CNTNAP5: variants seen among roughly 807,000 people sequenced by gnomAD.
The protein encoded by CNTNAP5 is contactin associated protein family member 5.
A neutral mutation model predicts 150.2 loss-of-function variants in CNTNAP5; 72 were observed. The ratio of observed to expected loss-of-function variants is 0.48; its 90% CI spans 0.40 to 0.58. The LOEUF (loss-of-function observed/expected upper bound fraction) is 0.58. Ranked by LOEUF, CNTNAP5 falls within the 20% of genes least tolerant of loss-of-function variation. CNTNAP5 has a pLI of 0.00. For missense variants in CNTNAP5, 1,636 were observed against 1,626.2 expected, an observed-to-expected ratio of 1.01 and a Z score of -0.10; for synonymous variants, 672 against 619.8, an observed-to-expected ratio of 1.08 and a Z score of -1.25.
intron 13 of CNTNAP5, among the ~76,000 whole-genome samples, chr2:124,691,210 G>A (rs1292742890): frequency 6.6e-6 from 1 of 152,076 alleles, no homozygotes; most frequent in African/African-American, 2.4e-5. Flanking sequence ...ATTTTTCTTG[G>A]CTTCTCTGCG....
At chr2:124,773,449 C>A (rs958082211) in intron 17 of CNTNAP5, among the ~76,000 whole-genome samples, 2 of 152,078 alleles carry the variant, frequency 1.3e-5, no homozygotes, top group African/African-American at 4.8e-5. Flanking sequence ...ATAGTTGAAC[C>A]ATTTTAAAGG....
intron 13 of CNTNAP5, among the ~76,000 whole-genome samples, chr2:124,678,413 A>C (rs368607147): frequency 1.1e-4 from 17 of 151,822 alleles, no homozygotes; most frequent in East Asian, 3.9e-4. Context: ...CTCTCTGCTA[A>C]TACCTAACTA....
intron 1 of CNTNAP5, among the ~76,000 whole-genome samples, chr2:124,069,650 A>G (rs1188580233): frequency 1.3e-5 from 2 of 152,162 alleles, no homozygotes; most frequent in African/African-American, 4.8e-5. Context: ...ACAGAGGGAC[A>G]TGCTATTTGT....
At chr2:124,107,870 A>G (rs1430471829) in intron 1 of CNTNAP5, among the ~76,000 whole-genome samples, 2 of 152,212 alleles carry the variant, frequency 1.3e-5, no homozygotes, top group African/African-American at 4.8e-5. Context: ...GTATCAATCA[A>G]TATATGTAAG....
intron 19 of CNTNAP5, among the ~76,000 whole-genome samples, chr2:124,830,919 A>G (rs1682701163): frequency 6.6e-6 from 1 of 152,074 alleles, no homozygotes; most frequent in African/African-American, 2.4e-5. Context: ...AATAGGCAAA[A>G]GTTAAACTTT....
intron 4 of CNTNAP5, among the ~76,000 whole-genome samples, chr2:124,430,400 C>G (rs1360712151): frequency 6.6e-6 from 1 of 152,154 alleles, no homozygotes; most frequent in East Asian, 1.9e-4. Flanking sequence ...AAAAAAACAT[C>G]TAGAGAATTG....
At chr2:124,628,189 A>G (rs1029321906) in intron 12 of CNTNAP5, among the ~76,000 whole-genome samples, 1 of 152,224 alleles carries the variant, frequency 6.6e-6, no homozygotes, top group Non-Finnish European at 1.5e-5. Flanking sequence ...AGACAAGCCA[A>G]TATTCAAATT....
intron 3 of CNTNAP5, among the ~76,000 whole-genome samples, chr2:124,412,606 C>T (rs1259888362): frequency 1.3e-5 from 2 of 148,822 alleles, no homozygotes; most frequent in African/African-American, 2.5e-5. Context: ...CTTTGACAAA[C>T]CTGAGAAAAA....
intron 21 of CNTNAP5, among the ~76,000 whole-genome samples, chr2:124,897,078 T>C (rs1182203531): frequency 6.6e-6 from 1 of 151,650 alleles, no homozygotes; most frequent in Non-Finnish European, 1.5e-5. Flanking sequence ...TCAGTGTTTC[T>C]CAAAATGTGT....
intron 10 of CNTNAP5, among the ~76,000 whole-genome samples, chr2:124,536,549 G>A (rs770422093): frequency 5.6e-4 from 86 of 152,264 alleles, no homozygotes; most frequent in Non-Finnish European, 3.4e-4. Context: ...CCAATTCTTA[G>A]AGAGGTTCAG....
At chr2:124,027,037 G>T (rs1680912037) in intron 1 of CNTNAP5, among the ~76,000 whole-genome samples, 2 of 152,200 alleles carry the variant, frequency 1.3e-5, no homozygotes, top group South Asian at 4.1e-4. Flanking sequence ...GCCTTATACC[G>T]ATTGTATTAA....
At chr2:124,860,734 G>A (rs1362238988) in intron 19 of CNTNAP5, among the ~76,000 whole-genome samples, 1 of 152,014 alleles carries the variant, frequency 6.6e-6, no homozygotes, top group Non-Finnish European at 1.5e-5. Context: ...CACAGTACAT[G>A]TTAGAATAAA....
chr2:124,671,574 A>G (rs1008455147), intron 13 of CNTNAP5, among the ~76,000 whole-genome samples: 3 of 152,176 alleles, frequency 2.0e-5, no homozygotes, highest in Non-Finnish European at 4.4e-5. Flanking sequence ...TTCTTTGCTT[A>G]TCTCTTTTGT....
chr2:124,401,999 C>G (rs528799390), intron 3 of CNTNAP5, among the ~76,000 whole-genome samples: 1 of 152,124 alleles, frequency 6.6e-6, no homozygotes, highest in Non-Finnish European at 1.5e-5. Flanking sequence ...TATATCCCCT[C>G]ACTAAGAATA....
chr2:124,858,208 A>C (rs1478251648), intron 19 of CNTNAP5, among the ~76,000 whole-genome samples: 1 of 152,210 alleles, frequency 6.6e-6, no homozygotes, highest in East Asian at 1.9e-4. Context: ...TGGCCAGGGC[A>C]ATCAGGCAGG....
In CNTNAP5 at chr2:124,225,610, G is replaced by A. The variant is rs538321847; in HGVS notation, c.187+3801G>A. On this transcript the variant is annotated intron_variant, in intron 2 of 23. Coordinates refer to ENST00000682447, the MANE Select transcript of CNTNAP5 (RefSeq NM_001367498.1). ...GCTAACACATCCATCACCTCATGTA[G>A]TTATCCTTTTCTTTGTTTTGTAGTG... is the stretch of plus-strand genomic sequence containing the variant. 4.6e-5 allele frequency among the ~76,000 whole-genome samples: 7 copies of A among 152,262 alleles called. No homozygotes were observed. In the South Asian group the frequency reaches 1.4e-3, roughly 32 times the overall value.
chr2:124,565,574 C>CTTTTT (rs776732335), intron 11 of CNTNAP5, among the ~76,000 whole-genome samples: 1 of 68,504 alleles, frequency 1.5e-5, no homozygotes, highest in African/African-American at 6.1e-5. Context: ...TACCTAGATC[C>CTTTTT]TTTTTTTTTT....
At chr2:124,637,350 A>T (rs1447685032) in intron 12 of CNTNAP5, among the ~76,000 whole-genome samples, 1 of 152,182 alleles carries the variant, frequency 6.6e-6, no homozygotes, top group Non-Finnish European at 1.5e-5. Context: ...TGTTAAATAA[A>T]ATATCCCATA....
At chr2:124,305,977 A>G (rs1338282365) in intron 3 of CNTNAP5, among the ~76,000 whole-genome samples, 1 of 152,054 alleles carries the variant, frequency 6.6e-6, no homozygotes. Context: ...ATTGTTTTTA[A>G]TCAGGTCTCA....
Sources: allele counts gnomAD v4.1 joint callset (sites outside exome capture counted in the v4.1 genomes callset), GRCh38; gene constraint gnomAD v4.1.1; transcripts MANE v1.5; gene names NCBI Gene and HGNC (gene_info 2026-07-23, HGNC 2026-07-21).